LRP2: variants seen among roughly 807,000 people sequenced by gnomAD.
LRP2 encodes the protein low-density lipoprotein receptor-related protein 2.
A neutral mutation model predicts 531.0 loss-of-function variants in LRP2; 172 were observed. That is an observed-to-expected ratio of 0.32 (90% CI 0.29 to 0.37). The LOEUF is 0.37. Among genes scored for constraint, LRP2 ranks in the 10% least tolerant of loss-of-function variants. The pLI, the probability that LRP2 is intolerant of heterozygous loss-of-function variation, is 1.00. For missense variants in LRP2, 5,167 were observed against 5,868.3 expected, an observed-to-expected ratio of 0.88 and a Z score of 3.90; for synonymous variants, 1,992 against 2,027.6, an observed-to-expected ratio of 0.98 and a Z score of 0.47.
At chr2:169,290,548 A>T (rs1386930401) in intron 8 of LRP2, among the ~76,000 whole-genome samples, 1 of 152,040 alleles carries the variant, frequency 6.6e-6, no homozygotes, top group Non-Finnish European at 1.5e-5. Context: ...CATAAGTAGA[A>T]CCTTGAAAGT....
intron 68 of LRP2, among the ~76,000 whole-genome samples, chr2:169,149,586 C>T (rs887367223): frequency 4.6e-5 from 7 of 152,016 alleles, no homozygotes; most frequent in Non-Finnish European, 8.8e-5. Flanking sequence ...CCTGTAATCC[C>T]AGCACACTGG....
intron 26 of LRP2, 38 bp downstream of exon 26, chr2:169,239,489 T>C (rs1170148450): frequency 1.9e-6 from 3 of 1,613,900 alleles, no homozygotes; most frequent in Middle Eastern, 3.3e-4. Context: ...AGCTCTGGGA[T>C]GTGCTGATAA....
At chr2:169,128,927 G>T in intron 78 of LRP2, 86 bp downstream of exon 78, 2 of 1,541,750 alleles carry the variant, frequency 1.3e-6, no homozygotes, top group Non-Finnish European at 1.8e-6. Flanking sequence ...ACTCTGCTCA[G>T]AATAATCTAA....
chr2:169,327,723 C>T (rs1421570216), intron 1 of LRP2, among the ~76,000 whole-genome samples: 71 of 127,930 alleles, frequency 5.5e-4, no homozygotes, highest in African/African-American at 2.0e-3. Flanking sequence ...ATCAGCACCC[C>T]GCCCGGCCAG....
chr2:169,285,373 A>G (rs895227486), intron 9 of LRP2, among the ~76,000 whole-genome samples: 1 of 152,132 alleles, frequency 6.6e-6, no homozygotes, highest in African/African-American at 2.4e-5. Flanking sequence ...ATCACTATAG[A>G]GGAATATGAA....
chr2:169,322,762 A>G (rs1684940858), intron 1 of LRP2, among the ~76,000 whole-genome samples: 1 of 152,212 alleles, frequency 6.6e-6, no homozygotes, highest in African/African-American at 2.4e-5. Flanking sequence ...TTGTAAAGGT[A>G]GTATCTTCTG....
chr2:169,215,787 A>T (rs144325930), intron 35 of LRP2, among the ~76,000 whole-genome samples: 8 of 143,050 alleles, frequency 5.6e-5, no homozygotes, highest in Non-Finnish European at 1.0e-4. Context: ...CATATATAGA[A>T]TCTATATAGA....
At chr2:169,156,030 T>A (rs1401017013) in intron 65 of LRP2, among the ~76,000 whole-genome samples, 1 of 152,118 alleles carries the variant, frequency 6.6e-6, no homozygotes, top group African/African-American at 2.4e-5. Context: ...TTATAATAAG[T>A]AACACCTGGC....
intron 1 of LRP2, among the ~76,000 whole-genome samples, chr2:169,341,760 G>A (rs1685568753): frequency 6.6e-6 from 1 of 152,026 alleles, no homozygotes; most frequent in Admixed American, 6.6e-5. Context: ...TAGTAAAAAG[G>A]GAATAGTAAT....
At position 169,138,009 on chromosome 2, in the gene LRP2, A is replaced by C. The variant is rs557269011; in HGVS notation, c.13519-516T>G. Among the ~76,000 whole-genome samples, 160 of 152,296 alleles carry C rather than the reference A, an allele frequency of 1.1e-3. 1 individual carries two copies. Among genetic ancestry groups the C allele is most frequent in the Non-Finnish European group, 1.7e-3 (117 of 68,016 alleles). On this transcript the variant is annotated intron_variant, in intron 75 of 78. Transcript: ENST00000649046. ...CCAAGACTGTGGCAGCCCCCTCATA[A>C]AGTATTTCATTTGGTCCTCCCAGGA...
chr2:169,206,248 G>A lies in LRP2; in HGVS notation c.7391-60C>T. 9 of 1,611,210 alleles carry A rather than the reference G, an allele frequency of 5.6e-6. 1 individual carries two copies. Among genetic ancestry groups the A allele is most frequent in the South Asian group, 4.4e-5 (4 of 90,984 alleles). Reference sequence around the variant, plus strand: ...ACACAAAGACATTAGAGTCTCATATGCATTAGAAACACTCAGTCATCCATG... The same window carrying A: ...ACACAAAGACATTAGAGTCTCATATACATTAGAAACACTCAGTCATCCATG... On this transcript the variant is annotated intron_variant, in intron 39 of 78. Transcript: ENST00000649046.
chr2:169,188,006 C>T lies in LRP2; in HGVS notation c.9292G>A (p.Asp3098Asn). The change falls in exon 49 of 79, where the codon GAT (aspartate) becomes AAT (asparagine). Residue 3098 changes from aspartate (D) to asparagine (N), a missense_variant. Transcript: ENST00000649046. ...TCATCGCTGTTGTCCAAACAGTCATCTAGGTGGTTGCAGAGTTTCATCATC... is the reference window on the plus strand; with the variant it reads ...TCATCGCTGTTGTCCAAACAGTCATTTAGGTGGTTGCAGAGTTTCATCATC... ...IEMMKLCNHL[D>N]DCLDNSDEKG... 2 of 1,614,112 alleles carry T rather than the reference C, an allele frequency of 1.2e-6. No homozygotes were observed. The highest frequency in any genetic ancestry group is 8.5e-7 in the Non-Finnish European group (1 of 1,180,020).
chr2:169,208,202 C>A (rs1325395998), intron 38 of LRP2, among the ~76,000 whole-genome samples: 1 of 152,146 alleles, frequency 6.6e-6, no homozygotes, highest in East Asian at 1.9e-4. Flanking sequence ...AGACAATACA[C>A]AAATAAATGG....
At chr2:169,297,675 A>G (rs1003422950) in intron 4 of LRP2, among the ~76,000 whole-genome samples, 2 of 152,088 alleles carry the variant, frequency 1.3e-5, no homozygotes, top group African/African-American at 4.8e-5. Flanking sequence ...ATATTTTTTC[A>G]CTGTTAATGA....
chr2:169,210,204 A>G (rs1268025135), intron 37 of LRP2, among the ~76,000 whole-genome samples: 4 of 152,232 alleles, frequency 2.6e-5, no homozygotes, highest in Non-Finnish European at 4.4e-5. Flanking sequence ...CATTTCAAAC[A>G]AGGATCATCC....
chr2:169,247,444 T>C lies in LRP2; in HGVS notation c.2842A>G (p.Thr948Ala), dbSNP rs1690055270. ...RVRKADGGEMTVIRSGIAYIL... is the reference protein window; with the variant it reads ...RVRKADGGEMAVIRSGIAYIL... ...TAAGCAATGCCACTTCGGATAACTG[T>C]CATTTCTCCACCATCTGCTTTCCTG... Residue 948 changes from threonine (T) to alanine (A), a missense_variant, in exon 20 of 79, where the codon ACA becomes GCA. Around this residue, in one of 6 missense-constraint regions of LRP2, gnomAD observed 2,811 missense variants for 3,058.0 expected, o/e 0.92. Transcript: ENST00000649046. 6.2e-7 allele frequency: 1 copy of C among 1,613,974 alleles called. No homozygotes were observed. Among genetic ancestry groups the C allele is most frequent in the Non-Finnish European group, 8.5e-7 (1 of 1,179,836 alleles).
chr2:169,298,503 A>C (rs1317663224), intron 4 of LRP2, among the ~76,000 whole-genome samples: 1 of 152,102 alleles, frequency 6.6e-6, no homozygotes, highest in Non-Finnish European at 1.5e-5. Flanking sequence ...TATAGGCTGC[A>C]GAGTAAGTAA....
chr2:169,287,256 T>C (rs1332951244), intron 9 of LRP2, among the ~76,000 whole-genome samples: 1 of 152,220 alleles, frequency 6.6e-6, no homozygotes, highest in African/African-American at 2.4e-5. Flanking sequence ...AGATCATAAC[T>C]TTTATTTATA....
intron 45 of LRP2, among the ~76,000 whole-genome samples, chr2:169,198,005 A>C (rs902179136): frequency 5.9e-5 from 9 of 152,354 alleles, no homozygotes; most frequent in Admixed American, 5.9e-4. Flanking sequence ...TATCAAACTT[A>C]AGAAAGGCCT....
Sources: allele counts gnomAD v4.1 joint callset (sites outside exome capture counted in the v4.1 genomes callset), GRCh38; gene constraint gnomAD v4.1.1; regional missense constraint gnomAD v4.1.1; transcripts MANE v1.5; gene names NCBI Gene and HGNC (gene_info 2026-07-23, HGNC 2026-07-21).